Variants in EYS observed in about 807,000 individuals in gnomAD.
EYS encodes protein eyes shut homolog.
Under a neutral mutation model 282.1 loss-of-function variants are expected in EYS, and 250 were observed. That is an observed-to-expected ratio of 0.89 (90% confidence interval 0.80 to 0.98). EYS has a LOEUF of 0.98. Ranked by LOEUF, EYS falls within the 50% of genes least tolerant of loss-of-function variation. EYS has a pLI of 0.00. For synonymous variants in EYS, 1,355 were observed against 1,282.9 expected (o/e 1.06, Z -1.20); for missense variants, 4,016 against 3,709.0 (o/e 1.08, Z -2.15).
intron 5 of EYS, among the ~76,000 whole-genome samples, chr6:65,433,741 C>A (rs1184126137): frequency 2.0e-5 from 3 of 152,144 alleles, no homozygotes; most frequent in Admixed American, 6.5e-5. Context: ...TAGAATGAAC[C>A]AAGTAATGAC....
chr6:64,731,554 GA>G (rs1249670057), intron 22 of EYS, among the ~76,000 whole-genome samples: 1 of 152,042 alleles, frequency 6.6e-6, no homozygotes, highest in Admixed American at 6.5e-5. Context: ...ACAAACATAT[GA>G]AAAAAAGCTC....
chr6:64,254,546 C>T (rs373838518), intron 30 of EYS, among the ~76,000 whole-genome samples: 15 of 152,112 alleles, frequency 9.9e-5, no homozygotes, highest in African/African-American at 2.4e-4. Flanking sequence ...TCATTCTTGT[C>T]AGTCCCCGTC....
At chr6:65,530,846 T>C (rs1767740556) in intron 2 of EYS, among the ~76,000 whole-genome samples, 1 of 152,180 alleles carries the variant, frequency 6.6e-6, no homozygotes, top group Non-Finnish European at 1.5e-5. Flanking sequence ...TTTTTGTTCC[T>C]TGTGCTTGCA....
intron 22 of EYS, among the ~76,000 whole-genome samples, chr6:64,703,429 A>T (rs537412700): frequency 0.026 from 609 of 23,320 alleles, 33 homozygotes; most frequent in Middle Eastern, 0.083. Context: ...ATATATATAT[A>T]TTTTTTTTTT....
chr6:63,886,483 G>A lies in EYS; in HGVS notation c.7056-22125C>T, dbSNP rs572027223. ...TGATGTTATTACTTTAGATCATTTT[G>A]TTAAACGTTTGGAACATTTCAAGAA... On this transcript the variant is annotated intron_variant, in intron 35 of 42. Coordinates refer to ENST00000503581, the MANE Select transcript of EYS (RefSeq NM_001142800.2). 3.3e-5 allele frequency among the ~76,000 whole-genome samples: 5 copies of A among 152,224 alleles called. No individual in the cohort carries two copies. The South Asian group carries it at 1.0e-3, about 32-fold the overall frequency.
At chr6:64,906,671 A>G (rs1241932331) in intron 16 of EYS, among the ~76,000 whole-genome samples, 1 of 152,164 alleles carries the variant, frequency 6.6e-6, no homozygotes, top group East Asian at 1.9e-4. Context: ...TTCTGCTCTC[A>G]CTGCAGCTCC....
At chr6:64,006,010 T>C (rs758481900) in intron 33 of EYS, among the ~76,000 whole-genome samples, 1 of 152,188 alleles carries the variant, frequency 6.6e-6, no homozygotes, top group African/African-American at 2.4e-5. Context: ...GTGAAGAATG[T>C]CATTTGTAGT....
intron 35 of EYS, among the ~76,000 whole-genome samples, chr6:63,875,288 A>C (rs537850830): frequency 1.9e-4 from 29 of 152,292 alleles, no homozygotes; most frequent in African/African-American, 7.0e-4. Flanking sequence ...TGATTTGCTT[A>C]TGTTGAACCA....
At chr6:65,263,765 T>C (rs1461357946) in intron 12 of EYS, among the ~76,000 whole-genome samples, 1 of 146,352 alleles carries the variant, frequency 6.8e-6, no homozygotes, top group Non-Finnish European at 1.5e-5. Flanking sequence ...TAAAAAACAA[T>C]TGTGGTAGCT....
Position 63,726,567 on chromosome 6 carries a change from C to G in EYS, c.8185G>C (p.Ala2729Pro), listed in dbSNP as rs964398747. The G allele has an allele frequency of 6.4e-7, 1 of 1,551,352 alleles. No homozygotes were observed. Among genetic ancestry groups the G allele is most frequent in the East Asian group, 2.4e-5 (1 of 40,878 alleles). The change falls in exon 42 of 43, where the codon GCA becomes CCA. Residue 2729 changes from alanine to proline, a missense_variant. Physicochemically the swap from Ala to Pro is conservative, Grantham distance 27. Transcript: ENST00000503581. ...HIQLQFQPLA[A>P]DGILFYAAQH... ...GCAGCATAAAATAGGATACCATCTG[C>G]AGCGAGAGGCTGAAACTGCAATTGA...
chr6:65,695,260 G>A (rs1245156906), intron 1 of EYS, among the ~76,000 whole-genome samples: 1 of 151,828 alleles, frequency 6.6e-6, no homozygotes, highest in Non-Finnish European at 1.5e-5. Context: ...AATATAGATT[G>A]CAAAATTAGA....
intron 24 of EYS, among the ~76,000 whole-genome samples, chr6:64,609,128 G>T (rs1034782717): frequency 6.6e-6 from 1 of 152,156 alleles, no homozygotes; most frequent in Non-Finnish European, 1.5e-5. Flanking sequence ...GATAGTGAGG[G>T]AGCCTGTGCA....
At chr6:65,598,752 G>C (rs1288131274) in intron 2 of EYS, among the ~76,000 whole-genome samples, 2 of 152,020 alleles carry the variant, frequency 1.3e-5, no homozygotes, top group Admixed American at 6.6e-5. Context: ...ATAGTGTTAT[G>C]GTAGTCAGGA....
intron 28 of EYS, among the ~76,000 whole-genome samples, chr6:64,401,543 G>T (rs1459437423): frequency 6.6e-6 from 1 of 151,790 alleles, no homozygotes; most frequent in Non-Finnish European, 1.5e-5. Context: ...ATTGATACAT[G>T]ATACTTGTAC....
At chr6:64,752,006 T>C (rs2149970427) in intron 22 of EYS, among the ~76,000 whole-genome samples, 1 of 152,054 alleles carries the variant, frequency 6.6e-6, no homozygotes, top group East Asian at 1.9e-4. Context: ...AAATTAAAAA[T>C]AAGAATAGAC....
At chr6:64,124,312 A>G (rs1773689735) in intron 31 of EYS, among the ~76,000 whole-genome samples, 1 of 152,148 alleles carries the variant, frequency 6.6e-6, no homozygotes. Flanking sequence ...CCTTTTCTTT[A>G]TGCTTGGATA....
At chr6:64,328,153 G>C (rs935279164) in intron 29 of EYS, among the ~76,000 whole-genome samples, 1 of 152,324 alleles carries the variant, frequency 6.6e-6, no homozygotes, top group East Asian at 1.9e-4. Flanking sequence ...AGCTCTTATA[G>C]ATCTAATGCA....
chr6:64,045,163 T>G (rs916065217), intron 33 of EYS, among the ~76,000 whole-genome samples: 1 of 152,136 alleles, frequency 6.6e-6, no homozygotes, highest in South Asian at 2.1e-4. Context: ...CATGACTATG[T>G]GTGCATCCTT....
At chr6:64,626,684 C>G (rs1767620789) in intron 22 of EYS, among the ~76,000 whole-genome samples, 1 of 152,142 alleles carries the variant, frequency 6.6e-6, no homozygotes, top group African/African-American at 2.4e-5. Flanking sequence ...AAGATTTTTT[C>G]CTAGAGTTTT....
Sources: allele counts gnomAD v4.1 joint callset (sites outside exome capture counted in the v4.1 genomes callset), GRCh38; gene constraint gnomAD v4.1.1; transcripts MANE v1.5; gene names NCBI Gene and HGNC (gene_info 2026-07-23, HGNC 2026-07-21).